The following PDK3 variants were observed in gnomAD, a reference collection of about 807,000 sequenced individuals.
PDK3 encodes pyruvate dehydrogenase kinase 3, also known as pyruvate dehydrogenase kinase, isozyme 3.
A neutral mutation model predicts 32.0 loss-of-function variants in PDK3; 12 were observed. That is an observed-to-expected ratio of 0.37 (90% CI 0.24 to 0.61). The LOEUF is 0.61. Among genes scored for constraint, PDK3 ranks in the 20% least tolerant of loss-of-function variants. The pLI, the probability that PDK3 is intolerant of heterozygous loss-of-function variation, is 0.65. For synonymous variants in PDK3, 122 were observed against 116.3 expected (o/e 1.05, Z -0.31); for missense variants, 188 against 316.9 (o/e 0.59, Z 3.09).
chrX:24,494,540 C>G (rs1436703687), intron 1 of PDK3, among the ~76,000 whole-genome samples: 1 of 112,115 alleles, frequency 8.9e-6, no homozygotes, highest in African/African-American at 3.2e-5. Context: ...TCAAAGTTGC[C>G]TCTTGTAATG....
At chrX:24,489,709 AAAAG>A (rs1921503659) in intron 1 of PDK3, among the ~76,000 whole-genome samples, 1 of 110,162 alleles carries the variant, frequency 9.1e-6, no homozygotes, top group Non-Finnish European at 1.9e-5. Context: ...AAAAGAAAAA[AAAAG>A]AAATCAACAA....
chrX:24,475,887 G>A (rs1190900990), intron 1 of PDK3, among the ~76,000 whole-genome samples: 1 of 111,458 alleles, frequency 9.0e-6, no homozygotes, highest in African/African-American at 3.3e-5. Flanking sequence ...TATGTTTTGT[G>A]TGCTTTTGAA....
chrX:24,522,884 C>T (rs752302041), intron 6 of PDK3, among the ~76,000 whole-genome samples: 8 of 102,167 alleles, frequency 7.8e-5, no homozygotes, highest in South Asian at 8.9e-4. Flanking sequence ...CCAGCCTGGG[C>T]GACAGAGCAA....
intron 5 of PDK3, among the ~76,000 whole-genome samples, chrX:24,513,242 T>TA (rs1273614345): frequency 7.2e-5 from 8 of 111,584 alleles, no homozygotes; most frequent in African/African-American, 2.0e-4. Flanking sequence ...CCTACTCCTT[T>TA]AAAAAATCTC....
chrX:24,526,381 C>T (rs1226019717), intron 7 of PDK3, 107 bp downstream of exon 7: 1 of 481,566 alleles, frequency 2.1e-6, no homozygotes, highest in Non-Finnish European at 3.5e-6. Flanking sequence ...TTTGCATAAC[C>T]ATTTTAAAAA....
At chrX:24,485,063 T>C (rs1397636672) in intron 1 of PDK3, among the ~76,000 whole-genome samples, 1 of 112,106 alleles carries the variant, frequency 8.9e-6, no homozygotes, top group East Asian at 2.8e-4. Context: ...TTTCCCTTAA[T>C]GGGGCCAGGC....
intron 5 of PDK3, among the ~76,000 whole-genome samples, chrX:24,515,790 A>G (rs191349557): frequency 8.9e-6 from 1 of 111,966 alleles, no homozygotes; most frequent in Non-Finnish European, 1.9e-5. Context: ...GTACAATTCA[A>G]AATTTTTAAC....
intron 2 of PDK3, among the ~76,000 whole-genome samples, chrX:24,498,003 A>C (rs773972755): frequency 5.1e-4 from 57 of 111,412 alleles, no homozygotes; most frequent in Middle Eastern, 4.6e-3. Context: ...CCTGATTGAG[A>C]TATGGAGCTA....
intron 1 of PDK3, among the ~76,000 whole-genome samples, chrX:24,486,666 C>G (rs1921409190): frequency 9.0e-6 from 1 of 111,498 alleles, no homozygotes; most frequent in South Asian, 3.8e-4. Flanking sequence ...GGGTGTCACT[C>G]TGTCACCTGG....
In PDK3 at chrX:24,505,210, A is replaced by G; in HGVS notation, c.507A>G (p.Thr169=). ...ISFRMLINQH[T]LLFGGDTNPV... Reference sequence around the variant, plus strand: ...CCCTTTCCTTTTGTGTTCGTCTAGCACTTCTGTTTGGGGGTGACACTAATC... The same window carrying G: ...CCCTTTCCTTTTGTGTTCGTCTAGCGCTTCTGTTTGGGGGTGACACTAATC... Residue 169 remains threonine, a splice_region_variant and synonymous_variant, in exon 5 of 11, where the codon ACA becomes ACG. Coordinates refer to ENST00000379162, the MANE Select transcript of PDK3 (RefSeq NM_005391.5). The G allele has an allele frequency of 8.4e-7, 1 of 1,197,244 alleles. No homozygotes were observed. The highest frequency in any genetic ancestry group is 1.1e-6 in the Non-Finnish European group (1 of 884,688).
intron 3 of PDK3, among the ~76,000 whole-genome samples, chrX:24,501,054 AC>A (rs34870611): frequency 0.41 from 45,535 of 110,497 alleles, 6,698 homozygotes; most frequent in South Asian, 0.52. Context: ...TTGTCATTGT[AC>A]GTATGTATTT....
Position 24,531,681 on chromosome X carries a change from A to G in PDK3, c.988A>G (p.Ile330Val). The change falls in exon 10 of 11, where the codon ATT becomes GTT. Residue 330 changes from isoleucine (I) to valine (V), a missense_variant. Physicochemically the swap from Ile to Val is conservative, Grantham distance 29 (BLOSUM62 3). Transcript: ENST00000379162. ...PLAGFGYGLP[I>V]SRLYARYFQG... ...GGCTGGATTTGGTTATGGTTTGCCA[A>G]TTTCCCGTCTGTATGCTAGATATTT... The G allele has an allele frequency of 8.3e-7, 1 of 1,199,569 alleles. No individual in the cohort carries two copies. Among genetic ancestry groups the G allele is most frequent in the Non-Finnish European group, 1.1e-6 (1 of 885,497 alleles).
chrX:24,511,496 C>G (rs1011678501), intron 5 of PDK3, among the ~76,000 whole-genome samples: 3 of 109,798 alleles, frequency 2.7e-5, no homozygotes, highest in African/African-American at 1.0e-4. Flanking sequence ...CCCAAATGAC[C>G]CTGTGTGGGC....
rs183245291 is a variant in PDK3, at chrX:24,477,087, C to T, written c.106+11526C>T. Among the ~76,000 whole-genome samples, 13 of 111,665 alleles carry T rather than the reference C, an allele frequency of 1.2e-4. No individual in the cohort carries two copies. In the East Asian group the frequency reaches 3.4e-3, roughly 29 times the overall value. ...GGTAGTGAAGGCTTTTCCAGGTAATCGGGTGGTTTACCTATAGGATATCTG... is the reference window on the plus strand; with the variant it reads ...GGTAGTGAAGGCTTTTCCAGGTAATTGGGTGGTTTACCTATAGGATATCTG... On this transcript the variant is annotated intron_variant, in intron 1 of 10. Coordinates refer to ENST00000379162, the MANE Select transcript of PDK3 (RefSeq NM_005391.5).
At chrX:24,503,906 T>G (rs1921922751) in intron 4 of PDK3, among the ~76,000 whole-genome samples, 1 of 112,411 alleles carries the variant, frequency 8.9e-6, no homozygotes. Context: ...ACATTGACAC[T>G]GGAAATATTG....
In PDK3 at chrX:24,474,074, T is replaced by C. The variant is rs552162811; in HGVS notation, c.106+8513T>C. 1.7e-4 allele frequency among the ~76,000 whole-genome samples: 19 copies of C among 112,123 alleles called. No homozygotes were observed. The East Asian group carries it at 5.3e-3, about 31-fold the overall frequency. The stretch of plus-strand genomic sequence containing the variant: ...GCCCTGTCGGCTTCTGGTTCCCATA[T>C]TAACCACTTTTCTCCCCTCCCTGCA... On this transcript the variant is annotated intron_variant, in intron 1 of 10. Transcript: ENST00000379162.
intron 7 of PDK3, among the ~76,000 whole-genome samples, chrX:24,527,233 C>G (rs1209608823): frequency 8.5e-5 from 9 of 106,169 alleles, no homozygotes; most frequent in Admixed American, 5.1e-4. Context: ...TGCATAGCCT[C>G]ATTACATGCG....
chrX:24,471,840 G>A (rs765332419), intron 1 of PDK3, among the ~76,000 whole-genome samples: 18 of 111,895 alleles, frequency 1.6e-4, no homozygotes, highest in African/African-American at 5.2e-4. Context: ...GCCTGGATTC[G>A]TCCTTATTTG....
In PDK3 at chrX:24,496,568, C is replaced by CTT. The variant is rs763095558; in HGVS notation, c.248+1707_248+1708dup. Among the ~76,000 whole-genome samples, 101 of 39,297 alleles carry CTT rather than the reference C, an allele frequency of 2.6e-3. 1 individual carries two copies. Among genetic ancestry groups the CTT allele is most frequent in the East Asian group, 0.012 (13 of 1,109 alleles). 34.1% of individuals were successfully genotyped at this position (39,297 alleles called of 115,157 possible). ...CTAATTGTCCTGATACTACCCCCAT[C>CTT]TTTTTTTTTTTTTTTTTTTTTTTGC... On this transcript the variant is annotated intron_variant, in intron 2 of 10. Coordinates refer to ENST00000379162, the MANE Select transcript of PDK3 (RefSeq NM_005391.5).
Sources: allele counts gnomAD v4.1 joint callset (sites outside exome capture counted in the v4.1 genomes callset), GRCh38; gene constraint gnomAD v4.1.1; transcripts MANE v1.5; gene names NCBI Gene and HGNC (gene_info 2026-07-23, HGNC 2026-07-21).